Variants in BRAP observed in about 807,000 individuals in gnomAD.
BRAP encodes BRCA1-associated protein.
BRAP carries 42 observed loss-of-function variants against 73.4 expected under a neutral mutation model. That is an observed-to-expected ratio of 0.57 (90% confidence interval 0.45 to 0.74). The LOEUF is 0.74. Ranked by LOEUF, BRAP falls within the 30% of genes least tolerant of loss-of-function variation. BRAP has a pLI of 0.00. For missense variants in BRAP, 593 were observed against 751.4 expected (o/e 0.79, Z 2.46); for synonymous variants, 255 against 267.4 (o/e 0.95, Z 0.45).
At chr12:111,661,851 G>A (rs1421226416) in intron 6 of BRAP, among the ~76,000 whole-genome samples, 1 of 151,672 alleles carries the variant, frequency 6.6e-6, no homozygotes, top group Non-Finnish European at 1.5e-5. Context: ...AGCTGGGATT[G>A]TAGGCATGCA....
rs1218822551 is a variant in BRAP, at chr12:111,685,764, A to C, written c.29T>G (p.Leu10Trp). ...GACAGGCGAGTGTTCCGCGAGCTCC[A>C]ATCGGATAACAACCAGTGACACACT... MSVSLVVIR[L>W]ELAEHSPVPA... Residue 10 changes from leucine (L) to tryptophan (W), a missense_variant, in exon 1 of 12, where the codon TTG becomes TGG. This residue lies in a region of BRAP where 304 missense variants were observed against 337.7 expected (regional missense o/e 0.90). Coordinates refer to ENST00000419234, the MANE Select transcript of BRAP (RefSeq NM_006768.5). 6.2e-7 allele frequency: 1 copy of C among 1,610,574 alleles called. No individual in the cohort carries two copies. The highest frequency in any genetic ancestry group is 8.5e-7 in the Non-Finnish European group (1 of 1,178,940).
intron 11 of BRAP, among the ~76,000 whole-genome samples, chr12:111,646,405 G>A (rs576279671): frequency 6.6e-6 from 1 of 152,308 alleles, no homozygotes; most frequent in African/African-American, 2.4e-5. Flanking sequence ...CATGAGAAAA[G>A]AGGCACTTAC....
chr12:111,682,220 G>A (rs1032712246), intron 2 of BRAP, among the ~76,000 whole-genome samples: 2 of 152,112 alleles, frequency 1.3e-5, no homozygotes, highest in African/African-American at 4.8e-5. Flanking sequence ...ATCCACTTCC[G>A]CAGATAAAAT....
In BRAP at chr12:111,681,749, T is replaced by C. The variant is rs887109127; in HGVS notation, c.331A>G (p.Ile111Val). ...GACGGAGAATCTGGGGCAGCGTTTA[T>C]GCATTCCTTACTGTGATCTTTACTT... ...QRSKDHSKEC[I>V]NAAPDSPSKQ... Residue 111 changes from isoleucine (I) to valine (V), a missense_variant, in exon 3 of 12, where the codon ATA becomes GTA. Around this residue, in one of 4 missense-constraint regions of BRAP, gnomAD observed 304 missense variants for 337.7 expected, o/e 0.90. Coordinates refer to ENST00000419234, the MANE Select transcript of BRAP (RefSeq NM_006768.5). The C allele has an allele frequency of 1.9e-5, 31 of 1,614,068 alleles. No individual in the cohort carries two copies. The highest frequency in any genetic ancestry group is 2.5e-5 in the Non-Finnish European group (29 of 1,180,026).
chr12:111,658,372 C>T (rs1477491143), intron 9 of BRAP, among the ~76,000 whole-genome samples: 1 of 151,778 alleles, frequency 6.6e-6, no homozygotes, highest in Non-Finnish European at 1.5e-5. Flanking sequence ...CCGATCTCGG[C>T]TCACTGCAAC....
intron 7 of BRAP, among the ~76,000 whole-genome samples, chr12:111,659,972 G>C (rs962666344): frequency 6.6e-6 from 1 of 151,846 alleles, no homozygotes; most frequent in African/African-American, 2.4e-5. Flanking sequence ...TGCTTGGGAA[G>C]ATGAGATGGG....
In BRAP at chr12:111,644,245, C is replaced by A. The variant is rs1395377698; in HGVS notation, c.1733G>T (p.Ser578Ile). The A allele has an allele frequency of 2.0e-5, 33 of 1,613,640 alleles. No homozygotes were observed. Among genetic ancestry groups the A allele is most frequent in the Non-Finnish European group, 2.8e-5 (33 of 1,180,016 alleles). The change falls in exon 12 of 12, where the codon AGT becomes ATT. Residue 578 changes from serine (S) to isoleucine (I), a missense_variant. Ser to Ile is a moderately radical substitution (Grantham distance 142). Transcript: ENST00000419234. ...GCCCTTCCTGGAGGGCAACTTCCCA[C>A]TGCCCCCCGAAGAGGCAGGGCTCGA... ...SASSPASSGGSGKLPSRKGRS... is the reference protein window; with the variant it reads ...SASSPASSGGIGKLPSRKGRS...
chr12:111,659,073 A>G (rs777462048), intron 8 of BRAP, 134 bp downstream of exon 8: 2 of 1,126,986 alleles, frequency 1.8e-6, no homozygotes, highest in Non-Finnish European at 2.5e-6. Context: ...TAGTGCCCTC[A>G]GGGAAACTGA....
intron 5 of BRAP, among the ~76,000 whole-genome samples, chr12:111,672,067 G>A (rs995293453): frequency 1.3e-5 from 2 of 152,066 alleles, no homozygotes; most frequent in South Asian, 2.1e-4. Flanking sequence ...TTAGCCAGGC[G>A]TGGTGGTACA....
chr12:111,664,147 G>A (rs897125988), intron 6 of BRAP, among the ~76,000 whole-genome samples: 9 of 152,092 alleles, frequency 5.9e-5, no homozygotes, highest in African/African-American at 1.9e-4. Context: ...ACAACATAGC[G>A]AGACCCCATC....
intron 10 of BRAP, among the ~76,000 whole-genome samples, chr12:111,650,907 A>T (rs1045080124): frequency 1.3e-5 from 2 of 152,230 alleles, no homozygotes; most frequent in African/African-American, 4.8e-5. Flanking sequence ...TAAGAGAATT[A>T]AAAAATTCTG....
intron 5 of BRAP, chr12:111,670,371 A>C (rs2135919559): frequency 2.6e-6 from 1 of 385,130 alleles, no homozygotes; most frequent in Middle Eastern, 8.7e-4. Flanking sequence ...CCCATCCAAC[A>C]TTTTCCCCCG....
intron 3 of BRAP, among the ~76,000 whole-genome samples, chr12:111,680,489 G>C (rs1259522280): frequency 1.3e-5 from 2 of 151,088 alleles, no homozygotes; most frequent in African/African-American, 4.9e-5. Flanking sequence ...TTGAGGTTAG[G>C]AGTTCGAGAC....
intron 10 of BRAP, among the ~76,000 whole-genome samples, chr12:111,651,223 C>T (rs892565705): frequency 9.8e-5 from 12 of 122,008 alleles, no homozygotes; most frequent in Non-Finnish European, 1.5e-4. Context: ...ATAGCACTAG[C>T]TTTAATAATA....
chr12:111,650,094 C>A, intron 10 of BRAP, 52 bp from the exon 11 acceptor site: 2 of 1,279,216 alleles, frequency 1.6e-6, no homozygotes, highest in Non-Finnish European at 2.2e-6. Flanking sequence ...ATGTGGTGTG[C>A]TCTTTGGGAC....
rs775061853 is a variant in BRAP, at chr12:111,642,926, G to A, written c.*1273C>T. 5 of 152,158 alleles carry A rather than the reference G, an allele frequency of 3.3e-5. No homozygotes were observed. The highest frequency in any genetic ancestry group is 7.3e-5 in the Non-Finnish European group (5 of 68,028). The allele number at this position is 152,158 out of a possible 1,614,324, so 9.4% of individuals were successfully genotyped here. A position where few individuals can be genotyped will look rare whatever the true frequency, so the allele number is the denominator to read the frequency against. On this transcript the variant is annotated 3_prime_UTR_variant, in exon 12 of 12. Transcript: ENST00000419234. Reference sequence around the variant, plus strand: ...CAAAGGGGATGAGGCCTAATTACAGGCTAAAAACCTATTCTGAAATGTGAT... The same window carrying A: ...CAAAGGGGATGAGGCCTAATTACAGACTAAAAACCTATTCTGAAATGTGAT...
At position 111,683,316 on chromosome 12, in the gene BRAP, C is replaced by T. The variant is rs753954152; in HGVS notation, c.83-9G>A. ...ATCAGACATTTCCCCGGCTAAAGAA[C>T]ACATGAATGATTAATACAAGGTAAT... On this transcript the variant is annotated splice_polypyrimidine_tract_variant and intron_variant, in intron 1 of 11. Coordinates refer to ENST00000419234, the MANE Select transcript of BRAP (RefSeq NM_006768.5). 2 of 1,606,078 alleles carry T rather than the reference C, an allele frequency of 1.2e-6. No individual in the cohort carries two copies. Among genetic ancestry groups the T allele is most frequent in the Non-Finnish European group, 1.7e-6 (2 of 1,177,116 alleles).
chr12:111,651,016 T>C (rs1161127116), intron 10 of BRAP, among the ~76,000 whole-genome samples: 1 of 151,992 alleles, frequency 6.6e-6, no homozygotes, highest in Admixed American at 6.6e-5. Context: ...TCTGCGAACT[T>C]GGGAATTTCC....
rs188704105 is a variant in BRAP at position 111,645,830 on chromosome 12, A to G, written c.1416-1268T>C. Among the ~76,000 whole-genome samples the G allele has an allele frequency of 1.3e-3, 190 of 151,964 alleles. 1 individual carries two copies. The highest frequency in any genetic ancestry group is 7.1e-3 in the South Asian group (34 of 4,798). ...AAAGTAAGACCCTGTCTCTACACAA[A>G]ATCAAAAAACTTAGCCAGGTGCAGT... On this transcript the variant is annotated intron_variant, in intron 11 of 11. Coordinates refer to ENST00000419234, the MANE Select transcript of BRAP (RefSeq NM_006768.5).
Sources: allele counts gnomAD v4.1 joint callset (sites outside exome capture counted in the v4.1 genomes callset), GRCh38; gene constraint gnomAD v4.1.1; regional missense constraint gnomAD v4.1.1; transcripts MANE v1.5; gene names NCBI Gene and HGNC (gene_info 2026-07-23, HGNC 2026-07-21).